QSOX1: variants seen among roughly 807,000 people sequenced by gnomAD.
The protein encoded by QSOX1 is sulfhydryl oxidase 1.
In QSOX1, 40 loss-of-function variants were observed where a neutral mutation model predicts 76.1. That is an observed-to-expected ratio of 0.53 (90% CI 0.41 to 0.68). The LOEUF is 0.68. Among genes scored for constraint, QSOX1 ranks in the 30% least tolerant of loss-of-function variants. The pLI is 0.00. For missense variants in QSOX1, 931 were observed against 974.3 expected (o/e 0.96, Z 0.59); for synonymous variants, 392 against 413.1 (o/e 0.95, Z 0.62).
chr1:180,166,351 G>A, intron 1 of QSOX1, 140 bp from the exon 2 acceptor site: 2 of 651,652 alleles, frequency 3.1e-6, no homozygotes, highest in Non-Finnish European at 2.7e-6. Flanking sequence ...CTTTTCCAAG[G>A]AAGGTGTGAC....
chr1:180,184,151 A>G, intron 7 of QSOX1, 101 bp downstream of exon 7: 9 of 1,437,230 alleles, frequency 6.3e-6, no homozygotes, highest in Non-Finnish European at 8.6e-6. Context: ...CTTCCTTGTC[A>G]TATGATTAGT....
rs779969740 is a variant in QSOX1, at chr1:180,166,532, G to A, written c.307G>A (p.Glu103Lys). 6.2e-7 allele frequency: 1 copy of A among 1,614,048 alleles called. No homozygotes were observed. Among genetic ancestry groups the A allele is most frequent in the African/African-American group, 1.3e-5 (1 of 74,926 alleles). Residue 103 changes from glutamate (E) to lysine (K), a missense_variant, in exon 2 of 12, where the codon GAG becomes AAG. Coordinates refer to ENST00000367602, the MANE Select transcript of QSOX1 (RefSeq NM_002826.5). ...ALYLAALDCA[E>K]ETNSAVCRDF... ...GTATCTCGCCGCCCTGGACTGTGCTGAGGAGACCAACAGTGCAGTCTGCAG... is the reference window on the plus strand; with the variant it reads ...GTATCTCGCCGCCCTGGACTGTGCTAAGGAGACCAACAGTGCAGTCTGCAG...
chr1:180,174,285 A>G (rs1662827437), intron 2 of QSOX1, among the ~76,000 whole-genome samples: 1 of 152,238 alleles, frequency 6.6e-6, no homozygotes, highest in Non-Finnish European at 1.5e-5. Flanking sequence ...CCAGATTGCC[A>G]GGAGTCAGGC....
intron 2 of QSOX1, among the ~76,000 whole-genome samples, chr1:180,170,159 G>A (rs1558185629): frequency 1.3e-5 from 2 of 152,200 alleles, no homozygotes; most frequent in Admixed American, 1.3e-4. Context: ...AAGCAGGGAC[G>A]CCCTGTGAGG....
chr1:180,155,428 T>G (rs2149227175), intron 1 of QSOX1, among the ~76,000 whole-genome samples: 1 of 152,300 alleles, frequency 6.6e-6, no homozygotes, highest in African/African-American at 2.4e-5. Context: ...AGACCTGCCC[T>G]GCTCGCCCGG....
intron 11 of QSOX1, among the ~76,000 whole-genome samples, chr1:180,194,804 C>T (rs1190388188): frequency 6.6e-6 from 1 of 152,208 alleles, no homozygotes; most frequent in Admixed American, 6.5e-5. Context: ...ATACCAGGCA[C>T]CGGCTCCCAG....
At chr1:180,175,254 C>G (rs1428019627) in intron 2 of QSOX1, 67 bp from the exon 3 acceptor site, 23 of 1,460,324 alleles carry the variant, frequency 1.6e-5, no homozygotes, top group Non-Finnish European at 2.2e-5. Flanking sequence ...ATTTTCAGAG[C>G]AGGCCTGCGT....
intron 2 of QSOX1, among the ~76,000 whole-genome samples, chr1:180,166,983 C>T (rs1662645352): frequency 6.6e-6 from 1 of 152,226 alleles, no homozygotes; most frequent in Non-Finnish European, 1.5e-5. Context: ...TAGCCTCACC[C>T]CACTGTCAGA....
chr1:180,175,458 C>T (rs997176801), intron 3 of QSOX1, 92 bp downstream of exon 3: 6 of 1,408,012 alleles, frequency 4.3e-6, no homozygotes, highest in Admixed American at 1.7e-5. Context: ...AAAGCCCTGG[C>T]AGTCGGCAGG....
intron 6 of QSOX1, among the ~76,000 whole-genome samples, chr1:180,183,385 C>T (rs16855405): frequency 0.016 from 2,362 of 152,296 alleles, 77 homozygotes; most frequent in African/African-American, 0.053. Context: ...CCAAAAAGAC[C>T]GTAAAAAGAT....
chr1:180,156,257 C>T (rs1211694975), intron 1 of QSOX1, among the ~76,000 whole-genome samples: 1 of 152,136 alleles, frequency 6.6e-6, no homozygotes, highest in South Asian at 2.1e-4. Flanking sequence ...GGGTATTTGG[C>T]GGGCAGGAGT....
intron 2 of QSOX1, among the ~76,000 whole-genome samples, chr1:180,173,471 T>G (rs545440572): frequency 6.6e-6 from 1 of 152,196 alleles, no homozygotes; most frequent in Non-Finnish European, 1.5e-5. Context: ...TATTTAAATA[T>G]GTGTGGTATG....
intron 1 of QSOX1, among the ~76,000 whole-genome samples, chr1:180,159,510 A>C (rs1177510964): frequency 2.6e-5 from 4 of 152,238 alleles, no homozygotes; most frequent in African/African-American, 4.8e-5. Flanking sequence ...GAATCGGACA[A>C]CACCACATTC....
At position 180,175,254 on chromosome 1, in the gene QSOX1, C is replaced by T. The variant is rs1428019627; in HGVS notation, c.367-67C>T. Reference sequence around the variant, plus strand: ...TGAATAAGTAGGCAGATTTTCAGAGCAGGCCTGCGTGGCTGCACTCTTGGC... The same window carrying T: ...TGAATAAGTAGGCAGATTTTCAGAGTAGGCCTGCGTGGCTGCACTCTTGGC... On this transcript the variant is annotated intron_variant, in intron 2 of 11. Coordinates refer to ENST00000367602, the MANE Select transcript of QSOX1 (RefSeq NM_002826.5). The T allele has an allele frequency of 8.2e-6, 12 of 1,460,324 alleles. No individual in the cohort carries two copies. In the Admixed American group the frequency reaches 1.0e-4, roughly 12 times the overall value. 90.5% of individuals were successfully genotyped at this position (1,460,324 alleles called of 1,614,324 possible).
chr1:180,176,090 G>A (rs1450110704), intron 4 of QSOX1, 57 bp downstream of exon 4: 4 of 1,399,724 alleles, frequency 2.9e-6, no homozygotes, highest in Non-Finnish European at 4.0e-6. Context: ...AGGCCTGGGA[G>A]TGAGAGGGTG....
chr1:180,197,473 C>A lies in QSOX1; in HGVS notation c.*436C>A. The stretch of plus-strand genomic sequence containing the variant: ...TGGAACTCCTCACTAGCTGCTGGGG[C>A]TCCGCCCACCCTGCTCCCTTCCGGA... On this transcript the variant is annotated 3_prime_UTR_variant, in exon 12 of 12. Coordinates refer to ENST00000367602, the MANE Select transcript of QSOX1 (RefSeq NM_002826.5). 1 of 1,359,798 alleles carries A rather than the reference C, an allele frequency of 7.4e-7. No individual in the cohort carries two copies. The highest frequency in any genetic ancestry group is 1.0e-6 in the Non-Finnish European group (1 of 966,960). 84.2% of individuals were successfully genotyped at this position (1,359,798 alleles called of 1,614,324 possible).
intron 1 of QSOX1, among the ~76,000 whole-genome samples, chr1:180,155,806 TG>T (rs940349247): frequency 2.0e-5 from 3 of 152,234 alleles, no homozygotes; most frequent in Admixed American, 1.3e-4. Context: ...CCTTAGCTTC[TG>T]GGCCACATCC....
At chr1:180,161,217 ATATT>A (rs1264065856) in intron 1 of QSOX1, among the ~76,000 whole-genome samples, 3 of 152,190 alleles carry the variant, frequency 2.0e-5, no homozygotes, top group Non-Finnish European at 2.9e-5. Flanking sequence ...CTTGCAGAAA[ATATT>A]TAGTCACATC....
At chr1:180,158,284 G>A (rs775226227) in intron 1 of QSOX1, among the ~76,000 whole-genome samples, 3 of 152,214 alleles carry the variant, frequency 2.0e-5, no homozygotes, top group African/African-American at 4.8e-5. Context: ...TTCGTAAGGC[G>A]TGTGTTTGAG....
Sources: gnomAD v4.1 joint callset for allele counts (sites outside exome capture counted in the v4.1 genomes callset) on GRCh38, gnomAD v4.1.1 for gene constraint, MANE v1.5 for transcripts, NCBI Gene and HGNC (gene_info 2026-07-23, HGNC 2026-07-21) for gene names.